METTL3: variants seen among roughly 807,000 people sequenced by gnomAD.
The protein encoded by METTL3 is methyltransferase 3, N6-adenosine-methyltransferase complex catalytic subunit, also known as N(6)-adenosine-methyltransferase catalytic subunit METTL3.
METTL3 carries 42 observed loss-of-function variants against 64.3 expected under a neutral mutation model. That is an observed-to-expected ratio of 0.65 (90% CI 0.51 to 0.84). The LOEUF (loss-of-function observed/expected upper bound fraction) is 0.84. Ranked by LOEUF, METTL3 falls within the 40% of genes least tolerant of loss-of-function variation. METTL3 has a pLI of 0.00. For missense variants in METTL3, 435 were observed against 722.3 expected (o/e 0.60, Z 4.56); for synonymous variants, 256 against 263.6 (o/e 0.97, Z 0.28).
chr14:21,510,740 A>G, intron 1 of METTL3: 1 of 218,474 alleles, frequency 4.6e-6, no homozygotes, highest in Non-Finnish European at 9.3e-6. Context: ...ACCACTACAA[A>G]ACAGTCGTTA....
At chr14:21,506,361 G>A (rs1891697681) in intron 1 of METTL3, among the ~76,000 whole-genome samples, 1 of 151,836 alleles carries the variant, frequency 6.6e-6, no homozygotes, top group Non-Finnish European at 1.5e-5. Flanking sequence ...AGACCATCCT[G>A]GCTAACACGG....
At chr14:21,506,180 G>T (rs901103400) in intron 1 of METTL3, among the ~76,000 whole-genome samples, 4 of 151,718 alleles carry the variant, frequency 2.6e-5, no homozygotes, top group African/African-American at 9.7e-5. Context: ...CCATTAGGAT[G>T]GCGCTTCCTC....
chr14:21,511,068 G>C, intron 1 of METTL3, 56 bp downstream of exon 1: 2 of 1,583,108 alleles, frequency 1.3e-6, no homozygotes, highest in Non-Finnish European at 8.6e-7. Flanking sequence ...TTTTTCTCTA[G>C]GGATCCCGCC....
Position 21,500,554 on chromosome 14 carries a change from G to A in METTL3, c.1245C>T (p.Arg415=), listed in dbSNP as rs1891537672. The A allele has an allele frequency of 6.2e-7, 1 of 1,614,116 alleles. No individual in the cohort carries two copies. Among genetic ancestry groups the A allele is most frequent in the Middle Eastern group, 1.6e-4 (1 of 6,062 alleles). The change falls in exon 6 of 11, where the codon CGC becomes CGT. Residue 415 remains arginine, a synonymous_variant. Coordinates refer to ENST00000298717, the MANE Select transcript of METTL3 (RefSeq NM_019852.5). ...CCTGTAGTACGGGTATGTTGAGCCT[G>A]CGCATCTCATCATCTGTCAGGGTCC... The part of the protein sequence containing the change: ...PYGTLTDDEM[R]RLNIPVLQDD...
intron 3 of METTL3, 98 bp from the exon 4 acceptor site, chr14:21,502,001 A>T: frequency 2.3e-6 from 2 of 860,804 alleles, no homozygotes; most frequent in Non-Finnish European, 3.5e-6. Flanking sequence ...GTCTTCTAAG[A>T]GATAAATCAA....
intron 4 of METTL3, 57 bp from the exon 5 acceptor site, chr14:21,501,186 C>T: frequency 7.7e-7 from 1 of 1,293,244 alleles, no homozygotes. Flanking sequence ...TCCAACAGTT[C>T]AAATTCCAAA....
In METTL3 at chr14:21,504,455, G is replaced by A. The variant is rs368149746; in HGVS notation, c.101-574C>T. ...CATCTATTACTTCACAAGCTGGGTT[G>A]CCATCATAACCTTAATAACGATTTG... On this transcript the variant is annotated intron_variant, in intron 1 of 10. Coordinates refer to ENST00000298717, the MANE Select transcript of METTL3 (RefSeq NM_019852.5). 11 of 152,730 alleles carry A rather than the reference G, an allele frequency of 7.2e-5. No homozygotes were observed. In the East Asian group the frequency reaches 1.2e-3, roughly 16 times the overall value. The allele number at this position is 152,730 out of a possible 1,614,324, so 9.5% of individuals were successfully genotyped here. A position where few individuals can be genotyped will look rare whatever the true frequency, so the allele number is the denominator to read the frequency against.
intron 1 of METTL3, chr14:21,504,743 C>T (rs1277389424): frequency 1.4e-5 from 2 of 147,300 alleles, no homozygotes; most frequent in East Asian, 2.0e-4. Context: ...CCAGCCTGGC[C>T]AACATGGTGA....
Position 21,503,879 on chromosome 14 carries a change from G to C in METTL3, c.103C>G (p.Leu35Val), listed in dbSNP as rs776113693. ...RRKQDSGHLD[L>V]RNPEAALSPT... ...GACAATGCTGCCTCTGGATTCCGTA[G>C]ATCTAAGAATGAAGAGAAGTGAAAA... The change falls in exon 2 of 11, where the codon CTA (leucine) becomes GTA (valine). Residue 35 changes from leucine to valine, a missense_variant and splice_region_variant. Physicochemically the swap from Leu to Val is conservative, Grantham distance 32. Coordinates refer to ENST00000298717, the MANE Select transcript of METTL3 (RefSeq NM_019852.5). The C allele has an allele frequency of 2.5e-6, 4 of 1,613,518 alleles. No homozygotes were observed. The highest frequency in any genetic ancestry group is 2.2e-5 in the South Asian group (2 of 91,054).
At chr14:21,508,927 T>C (rs1891763254) in intron 1 of METTL3, among the ~76,000 whole-genome samples, 1 of 151,960 alleles carries the variant, frequency 6.6e-6, no homozygotes, top group South Asian at 2.1e-4. Flanking sequence ...TGAGGAACAA[T>C]TAAAACCAAG....
chr14:21,509,551 T>A (rs1891779943), intron 1 of METTL3: 1 of 151,904 alleles, frequency 6.6e-6, no homozygotes, highest in Non-Finnish European at 1.5e-5. Flanking sequence ...CAAGACAAAT[T>A]TGGGCAACAT....
chr14:21,503,459 G>T lies in METTL3; in HGVS notation c.437C>A (p.Thr146Asn). The T allele has an allele frequency of 6.2e-7, 1 of 1,613,638 alleles. No homozygotes were observed. The highest frequency in any genetic ancestry group is 8.5e-7 in the Non-Finnish European group (1 of 1,180,026). ...LQDDAHPTLV[T>N]YADHSKLSAM... ...AGAGAGCTTGGAATGGTCAGCATAG[G>T]TTACAAGAGTAGGATGTGCATCATC... Residue 146 changes from threonine (T) to asparagine (N), a missense_variant, in exon 3 of 11, where the codon ACC becomes AAC. This residue lies in a region of METTL3 where 228 missense variants were observed against 279.6 expected (regional missense o/e 0.82). Coordinates refer to ENST00000298717, the MANE Select transcript of METTL3 (RefSeq NM_019852.5).
rs200210579 is a variant in METTL3, at chr14:21,499,048, T to C, written c.1608A>G (p.Arg536=). 6.2e-7 allele frequency: 1 copy of C among 1,614,064 alleles called. No individual in the cohort carries two copies. The highest frequency in any genetic ancestry group is 2.2e-5 in the East Asian group (1 of 44,886). Residue 536 remains arginine, a synonymous_variant, in exon 10 of 11, where the codon CGA becomes CGG. Transcript: ENST00000298717. ...ACCAGTTGGGTTGCACATTGTGTGG[T>C]CGTCCAAATAACTCAATCTTGCGAG... The part of the protein sequence containing the change: ...PGTRKIELFG[R]PHNVQPNWIT...
At position 21,503,287 on chromosome 14, in the gene METTL3, C is replaced by A; in HGVS notation, c.609G>T (p.Ser203=). ...TCTTGGCTGGCTCCTTTGCTGGTTC[C>A]GATGCTGAAGAGTTCAGACCAGAGA... ...SLVSGLNSSA[S]EPAKEPAKKS... The change falls in exon 3 of 11, where the codon TCG becomes TCT. Residue 203 remains serine, a synonymous_variant. Coordinates refer to ENST00000298717, the MANE Select transcript of METTL3 (RefSeq NM_019852.5). The A allele has an allele frequency of 6.2e-7, 1 of 1,614,142 alleles. No individual in the cohort carries two copies. Among genetic ancestry groups the A allele is most frequent in the South Asian group, 1.1e-5 (1 of 91,080 alleles).
chr14:21,503,074 AC>A, intron 3 of METTL3, 98 bp downstream of exon 3: 1 of 1,308,916 alleles, frequency 7.6e-7, no homozygotes, highest in East Asian at 2.3e-5. Flanking sequence ...CCAGTTGAGA[AC>A]CACTGCTGTA....
chr14:21,507,555 TG>T (rs1406671104), intron 1 of METTL3: 1 of 151,710 alleles, frequency 6.6e-6, no homozygotes, highest in East Asian at 2.0e-4. Flanking sequence ...CCCAGCTACT[TG>T]GGAGGCTGAG....
chr14:21,498,706 T>C, intron 10 of METTL3: 1 of 462,374 alleles, frequency 2.2e-6, no homozygotes, highest in South Asian at 2.8e-5. Context: ...AAGATGTAAT[T>C]ATTGACAGAT....
At position 21,501,416 on chromosome 14, in the gene METTL3, T is replaced by C. The variant is rs1891564614; in HGVS notation, c.900-287A>G. On this transcript the variant is annotated intron_variant, in intron 4 of 10. Coordinates refer to ENST00000298717, the MANE Select transcript of METTL3 (RefSeq NM_019852.5). ...AGAATAAAACACTGACCTAAGAGTT[T>C]AGGTTCCTTTTCTCCTAAGATTATC... 9.1e-6 allele frequency: 5 copies of C among 546,502 alleles called. No homozygotes were observed. In the South Asian group the frequency reaches 1.1e-4, roughly 12 times the overall value. 33.9% of individuals were successfully genotyped at this position (546,502 alleles called of 1,614,324 possible).
chr14:21,511,269 TA>T lies in METTL3; in HGVS notation c.-47del, dbSNP rs1891831966. The T allele has an allele frequency of 1.3e-6, 2 of 1,590,146 alleles. No individual in the cohort carries two copies. Among genetic ancestry groups the T allele is most frequent in the African/African-American group, 2.7e-5 (2 of 74,090 alleles). ...ACCTCTCGAATAAGGCGCGGCGGAC[TA>T]GCACCTCCCAGCACTCGCTCCAGGA... On this transcript the variant is annotated 5_prime_UTR_variant, in exon 1 of 11. Coordinates refer to ENST00000298717, the MANE Select transcript of METTL3 (RefSeq NM_019852.5).
Sources: gnomAD v4.1 joint callset for allele counts (sites outside exome capture counted in the v4.1 genomes callset) on GRCh38, gnomAD v4.1.1 for gene constraint, gnomAD v4.1.1 regional missense constraint, MANE v1.5 for transcripts, NCBI Gene and HGNC (gene_info 2026-07-23, HGNC 2026-07-21) for gene names.